Variants in LIPI observed in about 807,000 individuals in gnomAD.
LIPI encodes the protein lipase I, also known as lipase member I.
In LIPI, 59 loss-of-function variants were observed where a neutral mutation model predicts 50.6. The observed-to-expected ratio is 1.16, with a 90% CI of 0.94 to 1.45. LIPI has a LOEUF of 1.45. Ranked by LOEUF, LIPI falls within the 40% of genes most tolerant of loss-of-function variation. LIPI has a pLI of 0.00. For missense variants in LIPI, 586 were observed against 536.3 expected (o/e 1.09, Z -0.92); for synonymous variants, 203 against 178.2 (o/e 1.14, Z -1.11).
chr21:14,181,957 T>C, intron 3 of LIPI, 98 bp from the exon 4 acceptor site: 1 of 726,604 alleles, frequency 1.4e-6, no homozygotes, highest in Non-Finnish European at 2.5e-6. Context: ...TAAAAAGCAT[T>C]TATACTTTTA....
chr21:14,121,873 G>A (rs1377473132), intron 9 of LIPI, among the ~76,000 whole-genome samples: 1 of 152,174 alleles, frequency 6.6e-6, no homozygotes, highest in Non-Finnish European at 1.5e-5. Flanking sequence ...CACACCAGAG[G>A]CTGGTTGGTA....
rs142610065 is a variant in LIPI, at chr21:14,198,567, C to A, written c.47-9148G>T. On this transcript the variant is annotated intron_variant, in intron 1 of 9. Transcript: ENST00000681601. ...GGTTCCATTCAACAAGAAAATCTAA[C>A]CATCCTAAATATATATGTACCCAAC... Among the ~76,000 whole-genome samples the A allele has an allele frequency of 7.7e-3, 1,167 of 152,212 alleles. 10 individuals carry two copies. The highest frequency in any genetic ancestry group is 0.018 in the African/African-American group (743 of 41,554).
intron 9 of LIPI, among the ~76,000 whole-genome samples, chr21:14,114,078 T>C (rs1487923831): frequency 6.6e-6 from 1 of 150,890 alleles, no homozygotes; most frequent in East Asian, 1.9e-4. Flanking sequence ...CTTGGGAGGG[T>C]GAGGCAGGAG....
chr21:14,113,447 A>G (rs1195867530), intron 9 of LIPI, among the ~76,000 whole-genome samples: 1 of 152,236 alleles, frequency 6.6e-6, no homozygotes, highest in African/African-American at 2.4e-5. Context: ...TATTGCAGAA[A>G]AAATCAGTGA....
At chr21:14,116,080 A>G (rs544346787) in intron 9 of LIPI, among the ~76,000 whole-genome samples, 3 of 152,158 alleles carry the variant, frequency 2.0e-5, no homozygotes, top group East Asian at 3.9e-4. Flanking sequence ...CCTGATGAGG[A>G]GTCCTGGGGT....
intron 1 of LIPI, chr21:14,206,836 G>A: frequency 1.9e-6 from 3 of 1,609,664 alleles, no homozygotes; most frequent in Non-Finnish European, 2.6e-6. Context: ...CACACAACTA[G>A]AAGCCACAGG....
At chr21:14,162,868 T>C (rs1275665795) in intron 7 of LIPI, among the ~76,000 whole-genome samples, 1 of 151,898 alleles carries the variant, frequency 6.6e-6, no homozygotes, top group Non-Finnish European at 1.5e-5. Context: ...TCATTTTATT[T>C]ACAAACCACT....
chr21:14,186,008 C>A lies in LIPI; in HGVS notation c.494G>T (p.Ser165Ile). 2 of 1,605,618 alleles carry A rather than the reference C, an allele frequency of 1.2e-6. No individual in the cohort carries two copies. The highest frequency in any genetic ancestry group is 1.1e-5 in the South Asian group (1 of 90,812). ...ATGAAATATCTTTCCAACAAATCCA[C>A]TGATATGAGCCCCTAAGCTCACACC... ...FIGVSLGAHI[S>I]GFVGKIFHGQ... The change falls in exon 3 of 10, where the codon AGT (serine) becomes ATT (isoleucine). Residue 165 changes from serine (S) to isoleucine (I), a missense_variant. Transcript: ENST00000681601.
chr21:14,195,814 A>C (rs1195254084), intron 1 of LIPI, among the ~76,000 whole-genome samples: 1 of 152,192 alleles, frequency 6.6e-6, no homozygotes, highest in Non-Finnish European at 1.5e-5. Context: ...ATTTTACAAA[A>C]GATGGCATAA....
At chr21:14,121,210 T>A (rs1482971197) in intron 9 of LIPI, among the ~76,000 whole-genome samples, 2 of 152,180 alleles carry the variant, frequency 1.3e-5, no homozygotes, top group East Asian at 3.8e-4. Context: ...GCAGAAGTAG[T>A]ACAGCAACTG....
intron 9 of LIPI, among the ~76,000 whole-genome samples, chr21:14,121,980 G>T (rs550328350): frequency 1.3e-5 from 2 of 152,216 alleles, no homozygotes; most frequent in East Asian, 3.8e-4. Context: ...GAGGAAGTTG[G>T]TGCTAGATAA....
chr21:14,163,691 T>C (rs2018575237), intron 6 of LIPI, among the ~76,000 whole-genome samples, 168 bp from the exon 7 acceptor site: 1 of 141,726 alleles, frequency 7.1e-6, no homozygotes, highest in African/African-American at 2.5e-5. Context: ...TCCATTTATT[T>C]TAATTACAAT....
At chr21:14,111,452 AT>A (rs2016409413) in intron 9 of LIPI, among the ~76,000 whole-genome samples, 1 of 151,902 alleles carries the variant, frequency 6.6e-6, no homozygotes. Flanking sequence ...TTTTCTTGAT[AT>A]TGAGTTGTTT....
chr21:14,168,328 G>A (rs913676971), intron 4 of LIPI, among the ~76,000 whole-genome samples: 1 of 152,130 alleles, frequency 6.6e-6, no homozygotes, highest in Non-Finnish European at 1.5e-5. Context: ...AATCTAGCGA[G>A]GAAGGCCAAC....
At chr21:14,188,375 C>A (rs1035721912) in intron 2 of LIPI, among the ~76,000 whole-genome samples, 3 of 151,956 alleles carry the variant, frequency 2.0e-5, no homozygotes, top group Non-Finnish European at 4.4e-5. Context: ...CGAGACCAGC[C>A]TGGCCAACAT....
At chr21:14,202,257 C>T (rs2020081519) in intron 1 of LIPI, among the ~76,000 whole-genome samples, 1 of 152,108 alleles carries the variant, frequency 6.6e-6, no homozygotes, top group South Asian at 2.1e-4. Context: ...GCCATACTGC[C>T]CAAGGTAATT....
chr21:14,144,566 A>G (rs2017831879), intron 9 of LIPI, 57 bp downstream of exon 9: 1 of 937,050 alleles, frequency 1.1e-6, no homozygotes, highest in Admixed American at 1.9e-5. Flanking sequence ...TACTTAAGAA[A>G]CCAATATTTT....
chr21:14,174,386 A>G (rs2019020201), intron 4 of LIPI, among the ~76,000 whole-genome samples: 1 of 151,174 alleles, frequency 6.6e-6, no homozygotes, highest in Non-Finnish European at 1.5e-5. Flanking sequence ...TCTATAGGCT[A>G]ATTAATTATT....
At position 14,144,698 on chromosome 21, in the gene LIPI, C is replaced by T; in HGVS notation, c.1220G>A (p.Ser407Asn). 6.3e-7 allele frequency: 1 copy of T among 1,584,668 alleles called. No individual in the cohort carries two copies. The highest frequency in any genetic ancestry group is 8.7e-7 in the Non-Finnish European group (1 of 1,153,798). Residue 407 changes from serine to asparagine, a missense_variant, in exon 9 of 10, where the codon AGC becomes AAC. Transcript: ENST00000681601. ...ISSIGLTYFQ[S>N]SNLQCSTCTY... ...GCATGTGGAACACTGCAGATTTGAG[C>T]TCTGGAAATATGTCAAACCAATGCT... is the stretch of plus-strand genomic sequence containing the variant.
Sources: gnomAD v4.1 joint callset for allele counts (sites outside exome capture counted in the v4.1 genomes callset) on GRCh38, gnomAD v4.1.1 for gene constraint, MANE v1.5 for transcripts, NCBI Gene and HGNC (gene_info 2026-07-23, HGNC 2026-07-21) for gene names.